Variants in TLN2 observed in about 807,000 individuals in gnomAD.
TLN2 encodes the protein talin 2.
A neutral mutation model predicts 294.7 loss-of-function variants in TLN2; 118 were observed. That is an observed-to-expected ratio of 0.40 (90% CI 0.34 to 0.47). The LOEUF is 0.47. Ranked by LOEUF, TLN2 falls within the 20% of genes least tolerant of loss-of-function variation. TLN2 has a pLI of 0.84. For synonymous variants in TLN2, 1,431 were observed against 1,304.5 expected, an observed-to-expected ratio of 1.10 and a Z score of -2.09; for missense variants, 3,083 against 3,282.2, an observed-to-expected ratio of 0.94 and a Z score of 1.48.
chr15:62,503,787 T>A (rs938827393), intron 1 of TLN2, among the ~76,000 whole-genome samples: 7 of 152,202 alleles, frequency 4.6e-5, no homozygotes, highest in African/African-American at 1.4e-4. Flanking sequence ...TGTGAGCTTG[T>A]CAGAGAACCT....
At chr15:62,585,815 A>G (rs1448274425) in intron 1 of TLN2, among the ~76,000 whole-genome samples, 2 of 152,146 alleles carry the variant, frequency 1.3e-5, no homozygotes, top group Non-Finnish European at 2.9e-5. Flanking sequence ...CATTGGAGAC[A>G]TGTTCTGTCT....
At chr15:62,784,003 G>A in intron 45 of TLN2, 113 bp downstream of exon 45, 1 of 1,548,604 alleles carries the variant, frequency 6.5e-7, no homozygotes, top group South Asian at 1.2e-5. Context: ...AGTAACCAGA[G>A]CCCAGTTTAT....
chr15:62,768,421 T>A (rs555332586), intron 41 of TLN2, among the ~76,000 whole-genome samples: 1 of 152,322 alleles, frequency 6.6e-6, no homozygotes, highest in South Asian at 2.1e-4. Flanking sequence ...CTCTTCTGTC[T>A]CTTAGATGGA....
intron 1 of TLN2, among the ~76,000 whole-genome samples, chr15:62,492,230 T>TC (rs1023935774): frequency 2.3e-4 from 35 of 152,064 alleles, no homozygotes; most frequent in African/African-American, 8.4e-4. Flanking sequence ...GGCGGGTGGA[T>TC]CATGAGGTCA....
intron 9 of TLN2, among the ~76,000 whole-genome samples, chr15:62,661,197 T>C (rs2140969959): frequency 6.6e-6 from 1 of 152,314 alleles, no homozygotes; most frequent in Middle Eastern, 3.4e-3. Context: ...TGAGAGTTAC[T>C]GGTAGACTTC....
At chr15:62,582,136 A>G (rs1320228477) in intron 1 of TLN2, among the ~76,000 whole-genome samples, 1 of 150,434 alleles carries the variant, frequency 6.6e-6, no homozygotes. Context: ...GGTACCTTGA[A>G]GTCCCAGGGA....
At chr15:62,726,164 C>T (rs746345171) in intron 27 of TLN2, among the ~76,000 whole-genome samples, 3 of 152,104 alleles carry the variant, frequency 2.0e-5, no homozygotes, top group Non-Finnish European at 4.4e-5. Flanking sequence ...TCCATCTTTA[C>T]GTAGAGCATA....
chr15:62,603,037 C>A (rs12910703), intron 2 of TLN2, among the ~76,000 whole-genome samples: 1 of 151,932 alleles, frequency 6.6e-6, no homozygotes, highest in African/African-American at 2.4e-5. Context: ...GGACTACAAG[C>A]GCCAGCCACC....
intron 2 of TLN2, among the ~76,000 whole-genome samples, chr15:62,599,084 C>T (rs1596302822): frequency 6.6e-6 from 1 of 152,136 alleles, no homozygotes; most frequent in Non-Finnish European, 1.5e-5. Flanking sequence ...AGGGTGGTGG[C>T]GTTAACATGT....
chr15:62,668,733 G>T (rs755436540), intron 9 of TLN2, among the ~76,000 whole-genome samples: 87 of 152,300 alleles, frequency 5.7e-4, no homozygotes, highest in Admixed American at 2.9e-3. Flanking sequence ...TAAAGGGCTT[G>T]TTACAAGATG....
intron 9 of TLN2, among the ~76,000 whole-genome samples, chr15:62,663,865 G>T (rs910572560): frequency 1.3e-5 from 2 of 151,968 alleles, no homozygotes; most frequent in African/African-American, 4.8e-5. Context: ...TACAGATTCA[G>T]TTCAATTCCA....
At chr15:62,630,433 C>T in intron 3 of TLN2, among the ~76,000 whole-genome samples, 1 of 152,148 alleles carries the variant, frequency 6.6e-6, no homozygotes, top group South Asian at 2.1e-4. Context: ...ACTCTGTTCC[C>T]ACTGGCCCTG....
chr15:62,571,799 G>C (rs1361236713), intron 1 of TLN2, among the ~76,000 whole-genome samples: 1 of 152,236 alleles, frequency 6.6e-6, no homozygotes, highest in Admixed American at 6.5e-5. Context: ...ATACAACTCT[G>C]AAGGGCTTTT....
At chr15:62,779,630 TG>T (rs1228006817) in intron 43 of TLN2, among the ~76,000 whole-genome samples, 6 of 152,162 alleles carry the variant, frequency 3.9e-5, no homozygotes. Flanking sequence ...TCCTGGCATG[TG>T]GGTAGTGATG....
At chr15:62,751,426 C>T (rs140395862) in intron 34 of TLN2, among the ~76,000 whole-genome samples, 1 of 152,334 alleles carries the variant, frequency 6.6e-6, no homozygotes, top group African/African-American at 2.4e-5. Context: ...AAGATGCATA[C>T]ACACTCAGAT....
chr15:62,452,702 C>G (rs1471706008), intron 1 of TLN2, among the ~76,000 whole-genome samples: 1 of 152,202 alleles, frequency 6.6e-6, no homozygotes, highest in Non-Finnish European at 1.5e-5. Context: ...CATTTGTTTT[C>G]TAAGTTCACA....
At chr15:62,660,410 A>C (rs115875989) in intron 9 of TLN2, among the ~76,000 whole-genome samples, 2,121 of 152,280 alleles carry the variant, frequency 0.014, 63 homozygotes, top group African/African-American at 0.049. Context: ...GGGGAGAATA[A>C]GTGCTAGAGA....
At chr15:62,630,806 G>A (rs577303512) in intron 3 of TLN2, among the ~76,000 whole-genome samples, 2 of 151,982 alleles carry the variant, frequency 1.3e-5, no homozygotes, top group South Asian at 4.2e-4. Context: ...GAGTAATGCT[G>A]TCTATAAATA....
chr15:62,522,360 G>A (rs910602257), intron 1 of TLN2, among the ~76,000 whole-genome samples: 2 of 152,130 alleles, frequency 1.3e-5, no homozygotes, highest in East Asian at 1.9e-4. Context: ...TGTACAGTTC[G>A]TTGGTTTCTA....
Sources: gnomAD v4.1 joint callset for allele counts (sites outside exome capture counted in the v4.1 genomes callset) on GRCh38, gnomAD v4.1.1 for gene constraint, MANE v1.5 for transcripts, NCBI Gene and HGNC (gene_info 2026-07-23, HGNC 2026-07-21) for gene names.